FOXN3: variants seen among roughly 807,000 people sequenced by gnomAD.
The protein encoded by FOXN3 is forkhead box protein N3.
FOXN3 carries 7 observed loss-of-function variants against 38.4 expected under a neutral mutation model. The observed-to-expected ratio is 0.18, with a 90% CI of 0.10 to 0.34. The LOEUF is 0.34. Among genes scored for constraint, FOXN3 ranks in the 10% least tolerant of loss-of-function variants. The pLI is 1.00. For missense variants in FOXN3, 456 were observed against 613.4 expected, an observed-to-expected ratio of 0.74 and a Z score of 2.71; for synonymous variants, 230 against 242.2, an observed-to-expected ratio of 0.95 and a Z score of 0.47.
intron 2 of FOXN3, among the ~76,000 whole-genome samples, chr14:89,376,657 G>C (rs1890485473): frequency 6.6e-6 from 1 of 152,148 alleles, no homozygotes; most frequent in Non-Finnish European, 1.5e-5. Flanking sequence ...GTCACTAACA[G>C]TGGACAACCT....
intron 4 of FOXN3, among the ~76,000 whole-genome samples, chr14:89,242,681 CTT>C (rs2139868228): frequency 6.6e-6 from 1 of 152,250 alleles, no homozygotes; most frequent in East Asian, 1.9e-4. Context: ...ATGCCCGCGA[CTT>C]AATGCTTAAG....
intron 1 of FOXN3, among the ~76,000 whole-genome samples, chr14:89,533,033 G>C (rs890999998): frequency 2.6e-5 from 4 of 152,160 alleles, no homozygotes; most frequent in Non-Finnish European, 5.9e-5. Flanking sequence ...GTTATACTCA[G>C]GCTCCCCCAA....
At chr14:89,415,883 C>CACACACACACA (rs60129607) in intron 1 of FOXN3, among the ~76,000 whole-genome samples, 13 of 148,252 alleles carry the variant, frequency 8.8e-5, no homozygotes, top group Middle Eastern at 6.9e-3. Context: ...CACACACACA[C>CACACACACACA]CCTCTTTTGT....
chr14:89,413,984 G>A (rs1891621869), intron 1 of FOXN3, among the ~76,000 whole-genome samples: 1 of 149,450 alleles, frequency 6.7e-6, no homozygotes, highest in Non-Finnish European at 1.5e-5. Flanking sequence ...AGGAGGAGGA[G>A]GAGAAGAAGG....
intron 3 of FOXN3, among the ~76,000 whole-genome samples, chr14:89,309,832 C>T (rs1244511584): frequency 1.3e-5 from 2 of 152,214 alleles, no homozygotes; most frequent in South Asian, 2.1e-4. Context: ...TGACCGATGG[C>T]GTTGGCTGCC....
chr14:89,477,001 A>G (rs539235995), intron 1 of FOXN3, among the ~76,000 whole-genome samples: 1 of 123,732 alleles, frequency 8.1e-6, no homozygotes, highest in South Asian at 2.8e-4. Context: ...TCACCCAGCA[A>G]TAAAATTTCA....
intron 3 of FOXN3, among the ~76,000 whole-genome samples, chr14:89,307,117 C>T (rs1463460722): frequency 6.6e-6 from 1 of 152,172 alleles, no homozygotes; most frequent in Non-Finnish European, 1.5e-5. Context: ...TGGCCTGAAA[C>T]CTAGGTTGCT....
intron 1 of FOXN3, among the ~76,000 whole-genome samples, chr14:89,471,182 A>C (rs1893087619): frequency 6.6e-6 from 1 of 152,186 alleles, no homozygotes; most frequent in Admixed American, 6.5e-5. Context: ...ATTTTTGAGC[A>C]AAAGAGATTA....
Position 89,493,449 on chromosome 14 carries a change from C to T in FOXN3, c.-14-80959G>A, listed in dbSNP as rs138516602. Among the ~76,000 whole-genome samples, 29 of 152,276 alleles carry T rather than the reference C, an allele frequency of 1.9e-4. No homozygotes were observed. In the East Asian group the frequency reaches 5.6e-3, roughly 29 times the overall value. ...CACAATTTGGTTGCAAAGTCACACA[C>T]TTACAAAGTCTATCATCTTTACTTG... is the stretch of plus-strand genomic sequence containing the variant. On this transcript the variant is annotated intron_variant, in intron 1 of 6. Transcript: ENST00000345097.
chr14:89,429,603 G>C (rs1892115378), intron 1 of FOXN3, among the ~76,000 whole-genome samples: 1 of 151,922 alleles, frequency 6.6e-6, no homozygotes, highest in African/African-American at 2.4e-5. Context: ...AAGTGGGAGA[G>C]TTGCTGCCTG....
At chr14:89,538,362 G>A (rs993776583) in intron 1 of FOXN3, among the ~76,000 whole-genome samples, 1 of 152,188 alleles carries the variant, frequency 6.6e-6, no homozygotes. Context: ...GAAGGCCTCT[G>A]GGGAGGAGAT....
intron 1 of FOXN3, among the ~76,000 whole-genome samples, chr14:89,461,055 T>C (rs1596283051): frequency 1.7e-5 from 2 of 114,782 alleles, no homozygotes; most frequent in African/African-American, 3.6e-5. Flanking sequence ...GGGAGGGGGC[T>C]GGGCGCAGTG....
chr14:89,419,441 G>T, upstream of FOXN3: 1 of 318,068 alleles, frequency 3.1e-6, no homozygotes, highest in East Asian at 8.1e-5. Flanking sequence ...GGACCCTTGC[G>T]TCTTAGGTCC....
At chr14:89,176,035 G>A (rs1035313241) in intron 5 of FOXN3, among the ~76,000 whole-genome samples, 2 of 152,104 alleles carry the variant, frequency 1.3e-5, no homozygotes, top group Non-Finnish European at 2.9e-5. Flanking sequence ...GAAGACACAG[G>A]CATAAAACTT....
rs1389041056 is a variant in FOXN3, at chr14:89,163,645, A to T, written c.852-676T>A. The stretch of plus-strand genomic sequence containing the variant: ...AAGCCAGGGTCGCATCACAGACCAG[A>T]GGGCAATAAACTACGACTTCCCGAA... On this transcript the variant is annotated intron_variant, in intron 5 of 5. Coordinates refer to ENST00000557258, the MANE Select transcript of FOXN3 (RefSeq NM_005197.4). The surrounding 1 kb of genome is among the most constrained non-coding windows in gnomAD (Gnocchi z 4.3). Among the ~76,000 whole-genome samples the T allele has an allele frequency of 6.6e-6, 1 of 152,126 alleles. No homozygotes were observed. The highest frequency in any genetic ancestry group is 1.5e-5 in the Non-Finnish European group (1 of 68,030).
intron 3 of FOXN3, among the ~76,000 whole-genome samples, chr14:89,296,130 G>A (rs2139940227): frequency 6.6e-6 from 1 of 152,110 alleles, no homozygotes; most frequent in African/African-American, 2.4e-5. Context: ...ATAAATACAT[G>A]CATATTTTTT....
At chr14:89,422,210 T>C (rs1480474190), upstream of FOXN3, among the ~76,000 whole-genome samples, 1 of 152,192 alleles carries the variant, frequency 6.6e-6, no homozygotes, top group Non-Finnish European at 1.5e-5. Flanking sequence ...TGAGGGGGCG[T>C]CCACTGGAGC....
At chr14:89,248,728 A>G (rs1251229157) in intron 4 of FOXN3, among the ~76,000 whole-genome samples, 3 of 152,364 alleles carry the variant, frequency 2.0e-5, no homozygotes, top group South Asian at 2.1e-4. Context: ...TCCGCTATAG[A>G]CATGATTTTG....
At chr14:89,595,230 CAGG>C (rs1896034179) in intron 1 of FOXN3, among the ~76,000 whole-genome samples, 1 of 151,450 alleles carries the variant, frequency 6.6e-6, no homozygotes, top group African/African-American at 2.4e-5. Context: ...GAGGCTGAGG[CAGG>C]AGAATGGTGT....
Sources: allele counts gnomAD v4.1 joint callset (sites outside exome capture counted in the v4.1 genomes callset), GRCh38; gene constraint gnomAD v4.1.1; non-coding constraint Gnocchi (gnomAD v3.1); transcripts MANE v1.5; gene names NCBI Gene and HGNC (gene_info 2026-07-23, HGNC 2026-07-21).